The following ZNF486 variants were observed in gnomAD, a reference collection of about 807,000 sequenced individuals.
The protein encoded by ZNF486 is zinc finger protein 486.
Under a neutral mutation model 12.8 loss-of-function variants are expected in ZNF486, and 12 were observed. The observed-to-expected ratio is 0.94, with a 90% confidence interval of 0.60 to 1.52. The LOEUF (loss-of-function observed/expected upper bound fraction) is 1.52. ZNF486 is among the 40% of genes most tolerant of loss of function. ZNF486 has a pLI of 0.00. For synonymous variants in ZNF486, 231 were observed against 184.9 expected (o/e 1.25, Z -2.02); for missense variants, 738 against 545.0 (o/e 1.35, Z -3.53).
chr19:20,197,380 C>A lies in ZNF486; in HGVS notation c.670C>A (p.His224Asn). 6.2e-7 allele frequency: 1 copy of A among 1,612,566 alleles called. No individual in the cohort carries two copies. The highest frequency in any genetic ancestry group is 8.5e-7 in the Non-Finnish European group (1 of 1,179,404). The stretch of plus-strand genomic sequence containing the variant: ...TGGCAAAGCCTTCAACCGGTCCTCA[C>A]ACCTTACTACACATAAGATAACTCA... ...ECGKAFNRSSHLTTHKITHTR... is the reference protein window; with the variant it reads ...ECGKAFNRSSNLTTHKITHTR... The change falls in exon 4 of 4, where the codon CAC (histidine) becomes AAC (asparagine). Residue 224 changes from histidine to asparagine, a missense_variant. By Grantham distance (68) the His-to-Asn change is moderately conservative. Transcript: ENST00000335117.
intron 1 of ZNF486, among the ~76,000 whole-genome samples, chr19:20,172,257 C>G (rs1005322511): frequency 2.6e-5 from 4 of 152,092 alleles, no homozygotes; most frequent in Non-Finnish European, 2.9e-5. Flanking sequence ...CCGGCCTCAG[C>G]CTCCCAAAGT....
intron 1 of ZNF486, among the ~76,000 whole-genome samples, chr19:20,180,925 T>C (rs1203703849): frequency 4.6e-5 from 7 of 152,196 alleles, no homozygotes; most frequent in Non-Finnish European, 7.3e-5. Context: ...TGTGTATTAG[T>C]ATATAGTATA....
rs781807216 is a variant in ZNF486 at position 20,197,971 on chromosome 19, C to G, written c.1261C>G (p.Leu421Val). ...CAAAGCGTATACTACATCCTCAAAT[C>G]TAACTGAACATAAGACAACTCATAC... ...CGKAYTTSSNLTEHKTTHTGE... is the reference protein window; with the variant it reads ...CGKAYTTSSNVTEHKTTHTGE... Residue 421 changes from leucine (L) to valine (V), a missense_variant, in exon 4 of 4, where the codon CTA becomes GTA. Physicochemically the swap from Leu to Val is conservative, Grantham distance 32. Coordinates refer to ENST00000335117, the MANE Select transcript of ZNF486 (RefSeq NM_052852.4). 8.2e-5 allele frequency: 133 copies of G among 1,613,768 alleles called. 2 individuals carry two copies. In the East Asian group the frequency reaches 2.9e-3, roughly 35 times the overall value.
chr19:20,197,319 T>A lies in ZNF486; in HGVS notation c.609T>A (p.Ile203=). The change falls in exon 4 of 4, where the codon ATT becomes ATA. Residue 203 remains isoleucine (I), a synonymous_variant. Transcript: ENST00000335117. Reference sequence around the variant, plus strand: ...CAACCCATACTACACATAAAAAAATTGATACTGGAGAGAAACCATACAAAT... The same window carrying A: ...CAACCCATACTACACATAAAAAAATAGATACTGGAGAGAAACCATACAAAT... ...QSSTHTTHKK[I]DTGEKPYKCE... The A allele has an allele frequency of 6.2e-7, 1 of 1,612,598 alleles. No individual in the cohort carries two copies. The highest frequency in any genetic ancestry group is 8.5e-7 in the Non-Finnish European group (1 of 1,179,490).
intron 1 of ZNF486, among the ~76,000 whole-genome samples, chr19:20,175,623 T>G (rs1295835416): frequency 2.0e-5 from 3 of 152,014 alleles, no homozygotes; most frequent in African/African-American, 7.3e-5. Flanking sequence ...ACACAGCACA[T>G]GTTTCAGAGA....
At chr19:20,184,322 T>A in intron 1 of ZNF486, 34 bp from the exon 2 acceptor site, 2 of 1,609,294 alleles carry the variant, frequency 1.2e-6, no homozygotes, top group South Asian at 1.1e-5. Context: ...CAACGGCGAC[T>A]TGGTGAAAAT....
chr19:20,171,636 G>T (rs970548095), intron 1 of ZNF486, among the ~76,000 whole-genome samples: 5 of 152,164 alleles, frequency 3.3e-5, no homozygotes, highest in African/African-American at 1.2e-4. Context: ...TCAGAGTACA[G>T]CCCCACCTGG....
At chr19:20,174,595 G>C (rs1382429893) in intron 1 of ZNF486, among the ~76,000 whole-genome samples, 1 of 151,872 alleles carries the variant, frequency 6.6e-6, no homozygotes, top group East Asian at 1.9e-4. Context: ...CACCATGTTC[G>C]CCAGTTTGAT....
intron 1 of ZNF486, among the ~76,000 whole-genome samples, chr19:20,183,912 C>A (rs1238463203): frequency 1.3e-5 from 2 of 151,040 alleles, no homozygotes; most frequent in Non-Finnish European, 2.9e-5. Context: ...GTTAGAAATT[C>A]AAAAAATCAG....
At chr19:20,191,042 A>G (rs1555717113) in intron 3 of ZNF486, among the ~76,000 whole-genome samples, 1 of 152,198 alleles carries the variant, frequency 6.6e-6, no homozygotes, top group African/African-American at 2.4e-5. Context: ...TGTTTCATTA[A>G]CATATAGTAT....
In ZNF486 at chr19:20,186,752, A is replaced by G. The variant is rs184886014; in HGVS notation, c.253+670A>G. 1.4e-4 allele frequency among the ~76,000 whole-genome samples: 20 copies of G among 147,140 alleles called. No individual in the cohort carries two copies. The East Asian group carries it at 3.4e-3, about 25-fold the overall frequency. ...CTCTGGTTAATACGGCAATTTTAAA[A>G]TTTATTTGGATCTTCTCTAATATTT... On this transcript the variant is annotated intron_variant, in intron 3 of 3. Coordinates refer to ENST00000335117, the MANE Select transcript of ZNF486 (RefSeq NM_052852.4).
intron 1 of ZNF486, among the ~76,000 whole-genome samples, chr19:20,178,069 G>T (rs1217373852): frequency 6.7e-6 from 1 of 150,188 alleles, no homozygotes; most frequent in African/African-American, 2.5e-5. Context: ...GATTACAGGT[G>T]CCTGCCACCA....
intron 1 of ZNF486, among the ~76,000 whole-genome samples, chr19:20,177,932 G>GTTATTTTTTTTTTTTT (rs1568319295): frequency 7.3e-6 from 1 of 137,264 alleles, no homozygotes; most frequent in African/African-American, 3.1e-5. Context: ...GTAAACATTT[G>GTTATTTTTTTTTTTTT]TTCTTTTTTT....
rs1376025427 is a variant in ZNF486 at position 20,197,860 on chromosome 19, G to A, written c.1150G>A (p.Gly384Ser). Residue 384 changes from glycine (G) to serine (S), a missense_variant, in exon 4 of 4, where the codon GGC (glycine) becomes AGC (serine). Coordinates refer to ENST00000335117, the MANE Select transcript of ZNF486 (RefSeq NM_052852.4). ...GEKPYKCEECGKAFTWSAGLH... is the reference protein window; with the variant it reads ...GEKPYKCEECSKAFTWSAGLH... ...GAAACCATACAAATGTGAAGAATGT[G>A]GCAAAGCCTTTACATGGTCTGCAGG... The A allele has an allele frequency of 9.3e-6, 15 of 1,613,414 alleles. No homozygotes were observed. The highest frequency in any genetic ancestry group is 1.3e-5 in the Non-Finnish European group (15 of 1,179,926).
At chr19:20,168,074 A>T (rs2089604762) in intron 1 of ZNF486, among the ~76,000 whole-genome samples, 1 of 149,082 alleles carries the variant, frequency 6.7e-6, no homozygotes, top group African/African-American at 2.5e-5. Context: ...TTAAAAACCC[A>T]TTCCTGGTCG....
intron 3 of ZNF486, among the ~76,000 whole-genome samples, chr19:20,187,381 T>A (rs1599711035): frequency 6.6e-6 from 1 of 152,134 alleles, no homozygotes; most frequent in Non-Finnish European, 1.5e-5. Context: ...TTTTTTTATT[T>A]CTTTGACTAA....
intron 1 of ZNF486, among the ~76,000 whole-genome samples, chr19:20,175,776 G>C (rs970733695): frequency 8.5e-5 from 13 of 152,150 alleles, no homozygotes; most frequent in Non-Finnish European, 1.2e-4. Context: ...AGTCTTTTCC[G>C]CACCTTTCCC....
Position 20,197,793 on chromosome 19 carries a change from C to T in ZNF486, c.1083C>T (p.Arg361=). 1 of 1,612,368 alleles carries T rather than the reference C, an allele frequency of 6.2e-7. No homozygotes were observed. The change falls in exon 4 of 4, where the codon CGC becomes CGT. Residue 361 remains arginine, a synonymous_variant. Coordinates refer to ENST00000335117, the MANE Select transcript of ZNF486 (RefSeq NM_052852.4). ...KCEECGKAFT[R]SSHLTMHKII... ...AAGAATGTGGCAAAGCCTTCACCCG[C>T]TCCTCACACCTTACTATGCATAAGA... is the stretch of plus-strand genomic sequence containing the variant.
intron 1 of ZNF486, among the ~76,000 whole-genome samples, chr19:20,172,996 ATT>A (rs1197789136): frequency 6.6e-6 from 1 of 152,050 alleles, no homozygotes; most frequent in Non-Finnish European, 1.5e-5. Context: ...GTTTGTAAAT[ATT>A]TTTGTTTATT....
Sources: gnomAD v4.1 joint callset for allele counts (sites outside exome capture counted in the v4.1 genomes callset) on GRCh38, gnomAD v4.1.1 for gene constraint, MANE v1.5 for transcripts, NCBI Gene and HGNC (gene_info 2026-07-23, HGNC 2026-07-21) for gene names.